BANP: variants seen among roughly 807,000 people sequenced by gnomAD.
BANP encodes the protein BTG3 associated nuclear protein, also known as protein BANP.
In BANP, 11 loss-of-function variants were observed where a neutral mutation model predicts 68.1. The observed-to-expected ratio is 0.16, with a 90% CI of 0.10 to 0.27. The LOEUF (loss-of-function observed/expected upper bound fraction) is 0.27, where lower values mean the gene tolerates loss of function less well. Ranked by LOEUF, BANP falls within the 10% of genes least tolerant of loss-of-function variation. BANP has a pLI of 1.00. For synonymous variants in BANP, 329 were observed against 303.2 expected, an observed-to-expected ratio of 1.09 and a Z score of -0.88; for missense variants, 504 against 722.7, an observed-to-expected ratio of 0.70 and a Z score of 3.47.
Position 88,006,190 on chromosome 16 carries a change from T to G in BANP, c.580T>G (p.Ser194Ala), listed in dbSNP as rs1480004983. ...GGAGAGCGGCTCGGAGGCCAGCGACTCTGTGTCCAGCTGTGGGCAGGCGGG... is the reference window on the plus strand; with the variant it reads ...GGAGAGCGGCTCGGAGGCCAGCGACGCTGTGTCCAGCTGTGGGCAGGCGGG... The part of the protein sequence containing the change: ...DGESGSEASD[S>A]VSSCGQAGSQ... Residue 194 changes from serine (S) to alanine (A), a missense_variant, in exon 6 of 14, where the codon TCT (serine) becomes GCT (alanine). By Grantham distance (99) the Ser-to-Ala change is moderately conservative. Coordinates refer to ENST00000682872, the MANE Select transcript of BANP (RefSeq NM_001386991.1). The G allele has an allele frequency of 6.2e-7, 1 of 1,613,720 alleles. No individual in the cohort carries two copies. The highest frequency in any genetic ancestry group is 8.5e-7 in the Non-Finnish European group (1 of 1,179,944).
chr16:88,058,370 G>A (rs2085717701), intron 11 of BANP, among the ~76,000 whole-genome samples: 2 of 152,202 alleles, frequency 1.3e-5, no homozygotes, highest in African/African-American at 4.8e-5. Flanking sequence ...CGCCTTCGTC[G>A]ACTGAGCTCC....
intron 1 of BANP, among the ~76,000 whole-genome samples, chr16:87,967,254 C>CTTTTT (rs573550962): frequency 2.6e-4 from 28 of 106,980 alleles, no homozygotes; most frequent in Non-Finnish European, 3.5e-4. Context: ...GGAAAAGGTT[C>CTTTTT]TTTTTTTTTT....
intron 6 of BANP, among the ~76,000 whole-genome samples, chr16:88,010,138 G>T (rs2072642619): frequency 6.6e-6 from 1 of 152,246 alleles, no homozygotes; most frequent in African/African-American, 2.4e-5. Context: ...TTGAAAGTGT[G>T]TGGGGCCTCA....
At chr16:88,014,337 C>A (rs1485773598) in intron 6 of BANP, among the ~76,000 whole-genome samples, 2 of 152,034 alleles carry the variant, frequency 1.3e-5, no homozygotes, top group African/African-American at 4.8e-5. Context: ...AGCTTAGCGG[C>A]TGCCCCGACA....
chr16:88,011,204 C>T (rs1422749591), intron 6 of BANP, among the ~76,000 whole-genome samples: 2 of 152,136 alleles, frequency 1.3e-5, no homozygotes, highest in African/African-American at 4.8e-5. Flanking sequence ...GCCTGTGCCC[C>T]GGGATGGAGG....
intron 7 of BANP, among the ~76,000 whole-genome samples, chr16:88,024,672 C>T (rs1381256644): frequency 6.6e-6 from 1 of 152,222 alleles, no homozygotes; most frequent in East Asian, 1.9e-4. Flanking sequence ...CTGCACTCTG[C>T]GGGCAGCACT....
intron 6 of BANP, among the ~76,000 whole-genome samples, chr16:88,009,781 C>T (rs1161646112): frequency 6.6e-6 from 1 of 152,048 alleles, no homozygotes. Flanking sequence ...GACGCTAACT[C>T]TCAGCTATTG....
At position 88,064,837 on chromosome 16, in the gene BANP, C is replaced by T. The variant is rs1470945276; in HGVS notation, c.1312-430C>T. Among the ~76,000 whole-genome samples the T allele has an allele frequency of 6.6e-6, 1 of 152,212 alleles. No homozygotes were observed. The highest frequency in any genetic ancestry group is 1.5e-5 in the Non-Finnish European group (1 of 68,034). On this transcript the variant is annotated intron_variant, in intron 11 of 13. Coordinates refer to ENST00000682872, the MANE Select transcript of BANP (RefSeq NM_001386991.1). The surrounding 1 kb of genome is among the most constrained non-coding windows in gnomAD (Gnocchi z 4.5). ...ACCCCTCAGCTTCTGAGGGCCGTGG[C>T]CTTCAGGCTGTCAGGAGGCCCTGGG...
intron 1 of BANP, among the ~76,000 whole-genome samples, chr16:87,968,604 C>T (rs1208886323): frequency 2.6e-5 from 4 of 152,100 alleles, no homozygotes; most frequent in Non-Finnish European, 4.4e-5. Flanking sequence ...TGACTACTGA[C>T]GACTCTGAGC....
intron 12 of BANP, among the ~76,000 whole-genome samples, chr16:88,065,641 G>A (rs866261940): frequency 2.6e-5 from 4 of 152,172 alleles, no homozygotes; most frequent in East Asian, 1.9e-4. Flanking sequence ...AGAATTTCTC[G>A]CCATCTTTTG....
intron 8 of BANP, 75 bp from the exon 9 acceptor site, chr16:88,033,034 G>C: frequency 6.9e-7 from 1 of 1,451,024 alleles, no homozygotes; most frequent in Non-Finnish European, 9.3e-7. Flanking sequence ...TGGGGGACGG[G>C]GGTGCACACA....
intron 3 of BANP, among the ~76,000 whole-genome samples, chr16:87,981,636 G>C (rs2063302992): frequency 6.6e-6 from 1 of 152,232 alleles, no homozygotes; most frequent in African/African-American, 2.4e-5. Flanking sequence ...CGCTACAGAA[G>C]AGTGTGAGCC....
At chr16:88,073,768 G>A (rs563503222) in intron 13 of BANP, among the ~76,000 whole-genome samples, 4 of 152,318 alleles carry the variant, frequency 2.6e-5, no homozygotes, top group South Asian at 2.1e-4. Context: ...GCCTGAGGGC[G>A]TCCTGCTGCA....
rs534955879 is a variant in BANP at position 88,052,810 on chromosome 16, A to G, written c.1312-12457A>G. On this transcript the variant is annotated intron_variant, in intron 11 of 13. Transcript: ENST00000682872. ...CATAACCACCTTAACAACCACTACC[A>G]CTACCGCCTTCACCACTGTCATCTC... 2.6e-5 allele frequency among the ~76,000 whole-genome samples: 4 copies of G among 151,742 alleles called. No homozygotes were observed. The East Asian group carries it at 7.8e-4, about 29-fold the overall frequency.
intron 1 of BANP, among the ~76,000 whole-genome samples, chr16:87,968,069 G>A (rs1464806559): frequency 2.8e-5 from 4 of 141,640 alleles, no homozygotes; most frequent in African/African-American, 1.1e-4. Context: ...AGGTTCTACA[G>A]GTTTTTTTGC....
chr16:88,041,843 T>C (rs1007238017), intron 11 of BANP, among the ~76,000 whole-genome samples: 5 of 152,244 alleles, frequency 3.3e-5, no homozygotes, highest in Non-Finnish European at 7.3e-5. Context: ...GAGCCTGCAC[T>C]AAGGAATGCT....
chr16:87,959,000 AT>A (rs2058619168), intron 1 of BANP, among the ~76,000 whole-genome samples: 1 of 152,208 alleles, frequency 6.6e-6, no homozygotes, highest in Non-Finnish European at 1.5e-5. Context: ...CAACCTCAGC[AT>A]GATGTTGGCA....
Position 88,030,801 on chromosome 16 carries a change from T to C in BANP, c.1064-2308T>C, listed in dbSNP as rs150955836. On this transcript the variant is annotated intron_variant, in intron 8 of 13. Transcript: ENST00000682872. ...ACACCCATTCTTTGCTTGTCTGCCC[T>C]GTGGCCCCAGTGGAGTGTTTTGGAG... 7.8e-3 allele frequency among the ~76,000 whole-genome samples: 1,194 copies of C among 152,312 alleles called. 13 individuals are homozygous for C. Among genetic ancestry groups the C allele is most frequent in the African/African-American group, 0.027 (1,128 of 41,568 alleles).
At chr16:88,040,334 C>T (rs10438597) in intron 11 of BANP, among the ~76,000 whole-genome samples, 38,199 of 151,454 alleles carry the variant, frequency 0.25, 5,450 homozygotes, top group East Asian at 0.57. Flanking sequence ...CTTCGTCCTC[C>T]GGGCTGGCCA....
Sources: allele counts gnomAD v4.1 joint callset (sites outside exome capture counted in the v4.1 genomes callset), GRCh38; gene constraint gnomAD v4.1.1; non-coding constraint Gnocchi (gnomAD v3.1); transcripts MANE v1.5; gene names NCBI Gene and HGNC (gene_info 2026-07-23, HGNC 2026-07-21).